RORA: variants seen among roughly 807,000 people sequenced by gnomAD.
RORA encodes nuclear receptor ROR-alpha.
Under a neutral mutation model 69.5 loss-of-function variants are expected in RORA, and 7 were observed. The ratio of observed to expected loss-of-function variants is 0.10; its 90% CI spans 0.06 to 0.19. The LOEUF (loss-of-function observed/expected upper bound fraction) is 0.19, where lower values mean the gene tolerates loss of function less well. RORA is among the 10% of genes least tolerant of loss of function. The pLI, the probability that RORA is intolerant of heterozygous loss-of-function variation, is 1.00. For synonymous variants in RORA, 261 were observed against 240.8 expected, an observed-to-expected ratio of 1.08 and a Z score of -0.78; for missense variants, 457 against 663.0, an observed-to-expected ratio of 0.69 and a Z score of 3.41.
chr15:60,874,351 G>A (rs139920363), intron 1 of RORA, among the ~76,000 whole-genome samples: 2,083 of 152,284 alleles, frequency 0.014, 40 homozygotes, highest in African/African-American at 0.048. Context: ...TCTAGGTGCT[G>A]GGAATACAGC....
chr15:61,063,779 CTAAA>C (rs2078219405), intron 1 of RORA, among the ~76,000 whole-genome samples: 1 of 152,172 alleles, frequency 6.6e-6, no homozygotes, highest in African/African-American at 2.4e-5. Context: ...AAAAAGAACA[CTAAA>C]TGACAGTTTT....
chr15:60,876,361 C>G (rs545502147), intron 1 of RORA, among the ~76,000 whole-genome samples: 1 of 144,210 alleles, frequency 6.9e-6, no homozygotes, highest in African/African-American at 2.6e-5. Context: ...TGGAGGCACT[C>G]GGAATTCTTT....
At chr15:60,665,730 A>T (rs2070368836) in intron 2 of RORA, among the ~76,000 whole-genome samples, 1 of 152,086 alleles carries the variant, frequency 6.6e-6, no homozygotes, top group South Asian at 2.1e-4. Context: ...CTCGCTGTGC[A>T]GTGGTGTGAT....
chr15:61,172,577 A>C (rs1411451634), intron 1 of RORA, among the ~76,000 whole-genome samples: 2 of 152,182 alleles, frequency 1.3e-5, no homozygotes, highest in Non-Finnish European at 2.9e-5. Context: ...CCCCGGAGGA[A>C]TGATCCTACT....
chr15:60,586,007 C>T (rs540294363), intron 2 of RORA, among the ~76,000 whole-genome samples: 1 of 152,126 alleles, frequency 6.6e-6, no homozygotes, highest in Non-Finnish European at 1.5e-5. Flanking sequence ...ATCTGACATG[C>T]GGCAGAAAAA....
intron 3 of RORA, among the ~76,000 whole-genome samples, chr15:60,519,717 G>A (rs913365844): frequency 6.6e-6 from 1 of 152,088 alleles, no homozygotes; most frequent in South Asian, 2.1e-4. Flanking sequence ...ATCTGGATTA[G>A]GAGTCACATA....
chr15:60,576,002 C>T (rs563081539), intron 2 of RORA, among the ~76,000 whole-genome samples: 5 of 152,220 alleles, frequency 3.3e-5, no homozygotes, highest in South Asian at 2.1e-4. Flanking sequence ...AAGAACAGAG[C>T]GTGGCTTGCC....
chr15:60,619,467 G>C (rs1231146930), intron 2 of RORA, among the ~76,000 whole-genome samples: 2 of 152,064 alleles, frequency 1.3e-5, no homozygotes, highest in African/African-American at 4.8e-5. Flanking sequence ...TAATCATCAG[G>C]GCTGAGGAAA....
chr15:60,698,556 T>C (rs568757886), intron 1 of RORA, among the ~76,000 whole-genome samples: 5 of 152,182 alleles, frequency 3.3e-5, no homozygotes, highest in African/African-American at 1.2e-4. Context: ...CTTTATGTCA[T>C]AATTACTTTT....
At chr15:61,159,022 G>A (rs1445536558) in intron 1 of RORA, among the ~76,000 whole-genome samples, 6 of 152,188 alleles carry the variant, frequency 3.9e-5, no homozygotes, top group Non-Finnish European at 8.8e-5. Context: ...TCAATAAATC[G>A]CAAGCATGGT....
intron 1 of RORA, among the ~76,000 whole-genome samples, chr15:61,026,898 C>T (rs1194710381): frequency 6.6e-6 from 1 of 152,052 alleles, no homozygotes; most frequent in Non-Finnish European, 1.5e-5. Flanking sequence ...GTTGTATTTT[C>T]TTTCCCTTGA....
chr15:60,564,544 G>T (rs2067662095), intron 2 of RORA, among the ~76,000 whole-genome samples: 1 of 152,118 alleles, frequency 6.6e-6, no homozygotes, highest in Non-Finnish European at 1.5e-5. Flanking sequence ...AACTGAGGGT[G>T]ACAAAAGACT....
chr15:60,902,953 C>G (rs1217732464), intron 1 of RORA, among the ~76,000 whole-genome samples: 1 of 152,236 alleles, frequency 6.6e-6, no homozygotes, highest in Non-Finnish European at 1.5e-5. Flanking sequence ...TTGAGGATAT[C>G]TGCCAGACAC....
chr15:61,120,079 C>A (rs936759159), intron 1 of RORA, among the ~76,000 whole-genome samples: 1 of 152,098 alleles, frequency 6.6e-6, no homozygotes, highest in Admixed American at 6.5e-5. Context: ...TGTGGATGAC[C>A]GTCTGCTTGG....
intron 1 of RORA, among the ~76,000 whole-genome samples, chr15:60,888,360 G>A (rs1272491228): frequency 6.6e-6 from 1 of 152,218 alleles, no homozygotes; most frequent in Non-Finnish European, 1.5e-5. Flanking sequence ...CCTGGAGAAG[G>A]TGTTTCTACC....
At chr15:61,004,472 G>GGGGGCAGAGTGAGGGCTGTCT (rs1281678394) in intron 1 of RORA, among the ~76,000 whole-genome samples, 7 of 151,896 alleles carry the variant, frequency 4.6e-5, no homozygotes, top group African/African-American at 1.5e-4. Flanking sequence ...CAAGGCACAT[G>GGGGGCAGAGTGAGGGCTGTCT]GGGGCAGAGT....
At position 61,061,926 on chromosome 15, in the gene RORA, G is replaced by A. The variant is rs1212335591; in HGVS notation, c.166+167127C>T. On this transcript the variant is annotated intron_variant, in intron 1 of 10. Coordinates refer to ENST00000335670, the MANE Select transcript of RORA (RefSeq NM_134261.3). The surrounding 1 kb of genome is among the most constrained non-coding windows in gnomAD (Gnocchi z 4.4). ...AAAAATACAAAAATTAGCCAGGTGT[G>A]GTGGTGGGCGCCTGTAATGCCAGCT... 6.6e-6 allele frequency among the ~76,000 whole-genome samples: 1 copy of A among 152,038 alleles called. No individual in the cohort carries two copies. The highest frequency in any genetic ancestry group is 1.5e-5 in the Non-Finnish European group (1 of 67,984).
chr15:60,627,253 C>A (rs1163698226), intron 2 of RORA: 4 of 1,614,090 alleles, frequency 2.5e-6, no homozygotes, highest in East Asian at 2.2e-5. Context: ...GGCTCCTTCA[C>A]CTGCAGGTGT....
intron 1 of RORA, among the ~76,000 whole-genome samples, chr15:60,824,300 G>A (rs1237571595): frequency 1.3e-5 from 2 of 152,218 alleles, no homozygotes; most frequent in African/African-American, 4.8e-5. Flanking sequence ...GTGTGGAGAA[G>A]AGGTCTAATC....
Sources: allele counts gnomAD v4.1 joint callset (sites outside exome capture counted in the v4.1 genomes callset), GRCh38; gene constraint gnomAD v4.1.1; non-coding constraint Gnocchi (gnomAD v3.1); transcripts MANE v1.5; gene names NCBI Gene and HGNC (gene_info 2026-07-23, HGNC 2026-07-21).